POU6F2: variants seen among roughly 807,000 people sequenced by gnomAD.
POU6F2 encodes the protein POU domain, class 6, transcription factor 2.
A neutral mutation model predicts 71.3 loss-of-function variants in POU6F2; 31 were observed. The observed-to-expected ratio is 0.43, with a 90% CI of 0.33 to 0.59. POU6F2 has a LOEUF of 0.59. Ranked by LOEUF, POU6F2 falls within the 20% of genes least tolerant of loss-of-function variation. POU6F2 has a pLI of 0.04. For synonymous variants in POU6F2, 347 were observed against 355.7 expected, an observed-to-expected ratio of 0.98 and a Z score of 0.27; for missense variants, 783 against 856.8, an observed-to-expected ratio of 0.91 and a Z score of 1.07.
At chr7:39,188,214 C>A (rs1456472644) in intron 2 of POU6F2, among the ~76,000 whole-genome samples, 1 of 152,142 alleles carries the variant, frequency 6.6e-6, no homozygotes, top group Non-Finnish European at 1.5e-5. Context: ...AACTAAAGGT[C>A]AGGGAGGTTA....
intron 5 of POU6F2, among the ~76,000 whole-genome samples, chr7:39,392,344 T>C (rs567582573): frequency 6.6e-6 from 1 of 152,318 alleles, no homozygotes; most frequent in South Asian, 2.1e-4. Context: ...GGGTAGATGC[T>C]GAGAATTTGC....
chr7:39,300,107 C>T (rs541848770), intron 4 of POU6F2, among the ~76,000 whole-genome samples: 2 of 152,336 alleles, frequency 1.3e-5, no homozygotes, highest in African/African-American at 4.8e-5. Flanking sequence ...TGCCAATCAC[C>T]TTCAGCCACT....
chr7:39,355,229 G>A (rs1322563609), intron 5 of POU6F2, among the ~76,000 whole-genome samples: 3 of 152,312 alleles, frequency 2.0e-5, no homozygotes, highest in South Asian at 2.1e-4. Flanking sequence ...TCATGACATT[G>A]TGAGTGATTG....
intron 5 of POU6F2, among the ~76,000 whole-genome samples, chr7:39,341,436 A>C (rs1275257760): frequency 6.6e-6 from 1 of 152,334 alleles, no homozygotes; most frequent in East Asian, 1.9e-4. Flanking sequence ...TGGTCCAAAA[A>C]CGTCTTCATT....
At chr7:39,015,891 TTATA>T (rs1290736995) in intron 1 of POU6F2, among the ~76,000 whole-genome samples, 2,453 of 76,972 alleles carry the variant, frequency 0.032, 397 homozygotes, top group Middle Eastern at 0.052. Flanking sequence ...ATATTATATA[TTATA>T]TATAGATATA....
intron 4 of POU6F2, among the ~76,000 whole-genome samples, chr7:39,227,776 C>T (rs1375906239): frequency 6.6e-6 from 1 of 152,094 alleles, no homozygotes; most frequent in African/African-American, 2.4e-5. Context: ...CGAGGATGGT[C>T]TCGATCTTCT....
chr7:39,098,213 G>T (rs576997687), intron 2 of POU6F2, among the ~76,000 whole-genome samples: 2 of 150,910 alleles, frequency 1.3e-5, no homozygotes, highest in Non-Finnish European at 3.0e-5. Flanking sequence ...ATTTACTTAC[G>T]TTTTTACATG....
intron 4 of POU6F2, among the ~76,000 whole-genome samples, chr7:39,284,656 T>C (rs1362370647): frequency 3.3e-5 from 5 of 152,230 alleles, no homozygotes; most frequent in African/African-American, 1.2e-4. Flanking sequence ...AATACACAGC[T>C]CTTTCTCTGT....
At chr7:39,064,157 A>T (rs970968615) in intron 1 of POU6F2, among the ~76,000 whole-genome samples, 1 of 152,070 alleles carries the variant, frequency 6.6e-6, no homozygotes. Flanking sequence ...ACAAATACAA[A>T]ATAATATTGA....
intron 2 of POU6F2, among the ~76,000 whole-genome samples, chr7:39,086,738 C>T (rs1413729892): frequency 6.6e-6 from 1 of 152,092 alleles, no homozygotes; most frequent in African/African-American, 2.4e-5. Flanking sequence ...GAGTGCCACT[C>T]CAGCAAAGAC....
At chr7:39,091,005 A>G (rs929116340) in intron 2 of POU6F2, among the ~76,000 whole-genome samples, 6 of 150,104 alleles carry the variant, frequency 4.0e-5, no homozygotes, top group African/African-American at 1.5e-4. Flanking sequence ...AATCTAATGC[A>G]CTGGGGTATT....
intron 1 of POU6F2, chr7:39,006,720 G>A: frequency 1.1e-6 from 1 of 900,058 alleles, no homozygotes; most frequent in Non-Finnish European, 1.8e-6. Context: ...TCTTTGCAAT[G>A]TCATCATTTA....
At chr7:38,982,399 T>C (rs891327083) in intron 1 of POU6F2, among the ~76,000 whole-genome samples, 2 of 152,144 alleles carry the variant, frequency 1.3e-5, no homozygotes, top group African/African-American at 4.8e-5. Flanking sequence ...TTCTTTCTTA[T>C]ACATACTGGT....
intron 4 of POU6F2, among the ~76,000 whole-genome samples, chr7:39,292,910 AAAG>A (rs1274093378): frequency 6.6e-6 from 1 of 152,158 alleles, no homozygotes; most frequent in African/African-American, 2.4e-5. Context: ...CAAAACCAAA[AAAG>A]AAAACATCAG....
At position 39,433,247 on chromosome 7, in the gene POU6F2, G is replaced by A. The variant is rs2302122; in HGVS notation, c.1284G>A (p.Gln428=). The change falls in exon 7 of 10, where the codon CAG becomes CAA. Residue 428 remains glutamine, a synonymous_variant. Transcript: ENST00000518318. ...AGATCCTGCCCGTGATCAACACCCAGGGCATCACGCTGTCACCCATCAAGC... is the reference window on the plus strand; with the variant it reads ...AGATCCTGCCCGTGATCAACACCCAAGGCATCACGCTGTCACCCATCAAGC... ...GNQILPVINT[Q]GITLSPIKPG... 430,659 of 1,613,560 alleles carry A rather than the reference G, an allele frequency of 0.27. 59,653 individuals carry two copies. The highest frequency in any genetic ancestry group is 0.5 in the East Asian group (22,436 of 44,820).
chr7:39,128,934 T>C (rs933483140), intron 2 of POU6F2, among the ~76,000 whole-genome samples: 7 of 152,192 alleles, frequency 4.6e-5, no homozygotes, highest in Admixed American at 6.5e-5. Flanking sequence ...CTTGCTAGCA[T>C]CCTTATTTAG....
intron 1 of POU6F2, among the ~76,000 whole-genome samples, chr7:39,084,311 G>T (rs1791190391): frequency 6.6e-6 from 1 of 152,100 alleles, no homozygotes. Flanking sequence ...TCCCTCAGAG[G>T]TTTGAAACAG....
chr7:39,229,126 C>A (rs1024573761), intron 4 of POU6F2, among the ~76,000 whole-genome samples: 6 of 152,234 alleles, frequency 3.9e-5, no homozygotes, highest in African/African-American at 1.4e-4. Flanking sequence ...TAAATGCATG[C>A]TGTTTCCAGT....
At chr7:39,294,613 C>T (rs1341931767) in intron 4 of POU6F2, among the ~76,000 whole-genome samples, 2 of 151,848 alleles carry the variant, frequency 1.3e-5, no homozygotes, top group East Asian at 3.9e-4. Flanking sequence ...ATTTTATGGA[C>T]CAAAATGTTG....
Sources: gnomAD v4.1 joint callset for allele counts (sites outside exome capture counted in the v4.1 genomes callset) on GRCh38, gnomAD v4.1.1 for gene constraint, MANE v1.5 for transcripts, NCBI Gene and HGNC (gene_info 2026-07-23, HGNC 2026-07-21) for gene names.